Variants in ZDBF2 observed in about 807,000 individuals in gnomAD.
ZDBF2 encodes DBF4-type zinc finger-containing protein 2.
In ZDBF2, 6 loss-of-function variants were observed where a neutral mutation model predicts 9.4. The observed-to-expected ratio is 0.64, with a 90% CI of 0.35 to 1.27. ZDBF2 has a LOEUF of 1.27. Among genes scored for constraint, ZDBF2 ranks in the 50% most tolerant of loss-of-function variants. The pLI, the probability that ZDBF2 is intolerant of heterozygous loss-of-function variation, is 0.03. For missense variants in ZDBF2, 2,697 were observed against 2,766.8 expected (o/e 0.97, Z 0.57); for synonymous variants, 905 against 946.3 (o/e 0.96, Z 0.80).
Position 206,308,819 on chromosome 2 carries a change from G to C in ZDBF2, c.4291G>C (p.Glu1431Gln), listed in dbSNP as rs773857433. The change falls in exon 5 of 5, where the codon GAA becomes CAA. Residue 1431 changes from glutamate to glutamine, a missense_variant. Physicochemically the swap from Glu to Gln is conservative, Grantham distance 29. Transcript: ENST00000374423. ...TGATCAATCTTCTGTACCTGTCAAA[G>C]AAATAAACTTGCAAAAGAAGGATCA... is the stretch of plus-strand genomic sequence containing the variant. ...VTDQSSVPVK[E>Q]INLQKKDHND... 2 of 1,613,814 alleles carry C rather than the reference G, an allele frequency of 1.2e-6. No homozygotes were observed. Among genetic ancestry groups the C allele is most frequent in the Non-Finnish European group, 8.5e-7 (1 of 1,179,828 alleles).
At chr2:206,277,564 G>C (rs1413827487) in intron 1 of ZDBF2, among the ~76,000 whole-genome samples, 3 of 151,750 alleles carry the variant, frequency 2.0e-5, no homozygotes, top group Non-Finnish European at 2.9e-5. Flanking sequence ...TACTTAACTG[G>C]GTATGACATT....
In ZDBF2 at chr2:206,305,485, A is replaced by G. The variant is rs758879573; in HGVS notation, c.957A>G (p.Lys319=). ...NPNKTDMPSN[K]GIFEDTIAKN... ...ATAAAACTGACATGCCTTCTAATAA[A>G]GGAATCTTTGAAGATACTATTGCAA... The change falls in exon 5 of 5, where the codon AAA becomes AAG. Residue 319 remains lysine, a synonymous_variant. Coordinates refer to ENST00000374423, the MANE Select transcript of ZDBF2 (RefSeq NM_020923.3). 6.2e-7 allele frequency: 1 copy of G among 1,612,878 alleles called. No individual in the cohort carries two copies. The highest frequency in any genetic ancestry group is 1.1e-5 in the South Asian group (1 of 90,766).
rs765117268 is a variant in ZDBF2 at position 206,310,668 on chromosome 2, G to C, written c.6140G>C (p.Arg2047Pro). The C allele has an allele frequency of 1.2e-6, 2 of 1,611,208 alleles. No individual in the cohort carries two copies. Among genetic ancestry groups the C allele is most frequent in the Non-Finnish European group, 1.7e-6 (2 of 1,178,602 alleles). ...ATTCGGTTTATATGCAAATATAAAC[G>C]GAATATCTTTGATTATTATGAGCCC... The part of the protein sequence containing the change: ...NDIRFICKYK[R>P]NIFDYYEPLI... The change falls in exon 5 of 5, where the codon CGG (arginine) becomes CCG (proline). Residue 2047 changes from arginine (R) to proline (P), a missense_variant. Arg to Pro is a moderately radical substitution (Grantham distance 103). This residue lies in a region of ZDBF2 where 1,783 missense variants were observed against 1,776.5 expected (regional missense o/e 1.00). Coordinates refer to ENST00000374423, the MANE Select transcript of ZDBF2 (RefSeq NM_020923.3).
intron 3 of ZDBF2, 71 bp downstream of exon 3, chr2:206,281,980 A>G: frequency 1.5e-6 from 2 of 1,323,104 alleles, no homozygotes; most frequent in Non-Finnish European, 2.1e-6. Context: ...ATTTTATTAA[A>G]TTAATTTATT....
intron 2 of ZDBF2, among the ~76,000 whole-genome samples, 171 bp from the exon 3 acceptor site, chr2:206,281,630 A>G (rs1204341391): frequency 6.6e-6 from 1 of 152,220 alleles, no homozygotes; most frequent in Non-Finnish European, 1.5e-5. Context: ...CATAAGATAC[A>G]TAGTTCTTGT....
chr2:206,287,076 T>C (rs528870325), intron 3 of ZDBF2, among the ~76,000 whole-genome samples: 1 of 152,296 alleles, frequency 6.6e-6, no homozygotes, highest in South Asian at 2.1e-4. Flanking sequence ...TATGAACCTA[T>C]TGTTGCACCT....
At position 206,309,121 on chromosome 2, in the gene ZDBF2, G is replaced by A. The variant is rs1692994475; in HGVS notation, c.4593G>A (p.Val1531=). The A allele has an allele frequency of 6.2e-7, 1 of 1,613,768 alleles. No homozygotes were observed. Among genetic ancestry groups the A allele is most frequent in the Middle Eastern group, 1.6e-4 (1 of 6,062 alleles). Reference sequence around the variant, plus strand: ...CAAAGGTGGTACTTGTGGATCTGGTGCCCGGTGATAGTGATTATGAAGTAA... The same window carrying A: ...CAAAGGTGGTACTTGTGGATCTGGTACCCGGTGATAGTGATTATGAAGTAA... The part of the protein sequence containing the change: ...HLPKVVLVDL[V]PGDSDYEVIS... The change falls in exon 5 of 5, where the codon GTG becomes GTA. Residue 1531 remains valine, a synonymous_variant. Coordinates refer to ENST00000374423, the MANE Select transcript of ZDBF2 (RefSeq NM_020923.3).
Position 206,308,772 on chromosome 2 carries a change from A to T in ZDBF2, c.4244A>T (p.His1415Leu), listed in dbSNP as rs1270416185. ...GATTTTGATGTAAGTTATGCTTCTC[A>T]TATTCCTGTTCAGTTTGTGACTGAT... ...LGDFDVSYAS[H>L]IPVQFVTDQS... is the part of the protein sequence containing the mutation. The change falls in exon 5 of 5, where the codon CAT becomes CTT. Residue 1415 changes from histidine (H) to leucine (L), a missense_variant. Physicochemically the swap from His to Leu is moderately conservative, Grantham distance 99. Transcript: ENST00000374423. 1 of 1,613,806 alleles carries T rather than the reference A, an allele frequency of 6.2e-7. No homozygotes were observed. Among genetic ancestry groups the T allele is most frequent in the South Asian group, 1.1e-5 (1 of 91,048 alleles).
chr2:206,276,987 G>A (rs564383364), intron 1 of ZDBF2, among the ~76,000 whole-genome samples: 43 of 152,172 alleles, frequency 2.8e-4, no homozygotes, highest in African/African-American at 9.4e-4. Flanking sequence ...TTATGCATTC[G>A]GCCATTGTTT....
chr2:206,288,444 C>T (rs1214497878), intron 3 of ZDBF2, among the ~76,000 whole-genome samples: 4 of 152,170 alleles, frequency 2.6e-5, no homozygotes, highest in Non-Finnish European at 5.9e-5. Flanking sequence ...CTGGGATCCA[C>T]CTGTTCTTGT....
chr2:206,301,865 G>A (rs1056458481), intron 4 of ZDBF2, among the ~76,000 whole-genome samples: 2 of 151,004 alleles, frequency 1.3e-5, no homozygotes, highest in East Asian at 3.9e-4. Flanking sequence ...GTGCCCAGTT[G>A]TATTTATGAA....
chr2:206,282,421 C>G (rs1361178637), intron 3 of ZDBF2, among the ~76,000 whole-genome samples: 1 of 152,126 alleles, frequency 6.6e-6, no homozygotes, highest in African/African-American at 2.4e-5. Context: ...AGAATTCAGA[C>G]AAATCAATTC....
At position 206,306,996 on chromosome 2, in the gene ZDBF2, A is replaced by C. The variant is rs1692836537; in HGVS notation, c.2468A>C (p.Glu823Ala). Residue 823 changes from glutamate (E) to alanine (A), a missense_variant, in exon 5 of 5, where the codon GAA becomes GCA. Physicochemically the swap from Glu to Ala is moderately radical, Grantham distance 107 (BLOSUM62 -1). Transcript: ENST00000374423. Reference protein sequence around the residue: ...ETVDLESKSNESCVSEITFDS... With the variant: ...ETVDLESKSNASCVSEITFDS... ...GTTGATCTGGAAAGTAAAAGTAATG[A>C]ATCTTGTGTCTCTGAAATAACTTTT... 6.2e-7 allele frequency: 1 copy of C among 1,613,604 alleles called. No individual in the cohort carries two copies. The highest frequency in any genetic ancestry group is 1.3e-5 in the African/African-American group (1 of 74,926).
Position 206,306,315 on chromosome 2 carries a change from C to A in ZDBF2, c.1787C>A (p.Pro596His), listed in dbSNP as rs551850916. 1 of 1,613,650 alleles carries A rather than the reference C, an allele frequency of 6.2e-7. No individual in the cohort carries two copies. Among genetic ancestry groups the A allele is most frequent in the African/African-American group, 1.3e-5 (1 of 75,024 alleles). Reference protein sequence around the residue: ...DVSLESVVDHPQLTVKGRNLK... With the variant: ...DVSLESVVDHHQLTVKGRNLK... ...TCTCTTGAGTCAGTAGTTGATCATCCCCAACTGACTGTCAAAGGAAGAAAC... is the reference window on the plus strand; with the variant it reads ...TCTCTTGAGTCAGTAGTTGATCATCACCAACTGACTGTCAAAGGAAGAAAC... The change falls in exon 5 of 5, where the codon CCC becomes CAC. Residue 596 changes from proline (P) to histidine (H), a missense_variant. By Grantham distance (77) the Pro-to-His change is moderately conservative. Transcript: ENST00000374423.
At chr2:206,295,363 C>CTTTTTTTTTTTT (rs571707187) in intron 3 of ZDBF2, among the ~76,000 whole-genome samples, 1 of 110,982 alleles carries the variant, frequency 9.0e-6, no homozygotes, top group African/African-American at 3.4e-5. Flanking sequence ...CTTTTCTTTT[C>CTTTTTTTTTTTT]TTTTTTTTTT....
Position 206,311,019 on chromosome 2 carries a change from GA to G in ZDBF2, c.6494del (p.Asn2165IlefsTer17). On this transcript the variant is annotated frameshift_variant, in exon 5 of 5. Transcript: ENST00000374423. LOFTEE classifies it low-confidence loss of function (END_TRUNC). ...DVVKISPKSV[R>X]NKLLESQSKK... ...GTCAAAATCTCTCCAAAATCAGTTA[GA>G]AATAAGCTTTTGGAAAGTCAAAGTA... 1 of 1,610,882 alleles carries G rather than the reference GA, an allele frequency of 6.2e-7. No homozygotes were observed. The highest frequency in any genetic ancestry group is 8.5e-7 in the Non-Finnish European group (1 of 1,179,242).
chr2:206,292,051 G>A, intron 3 of ZDBF2: 2 of 398,354 alleles, frequency 5.0e-6, no homozygotes, highest in Non-Finnish European at 8.9e-6. Flanking sequence ...GAGTTCTTCA[G>A]GCAGAAGGAA....
intron 3 of ZDBF2, among the ~76,000 whole-genome samples, chr2:206,295,285 T>G (rs1289267651): frequency 6.6e-6 from 1 of 152,126 alleles, no homozygotes; most frequent in Non-Finnish European, 1.5e-5. Flanking sequence ...CAGAGTTAGA[T>G]TCAAATCCTG....
At position 206,310,522 on chromosome 2, in the gene ZDBF2, A is replaced by G; in HGVS notation, c.5994A>G (p.Lys1998=). Residue 1998 remains lysine, a synonymous_variant, in exon 5 of 5, where the codon AAA becomes AAG. Transcript: ENST00000374423. ...GTVEFPASCT[K]VLKPMQPKAL... ...TTGAATTTCCTGCATCATGTACTAA[A>G]GTTTTGAAGCCTATGCAACCCAAAG... 4 of 1,613,248 alleles carry G rather than the reference A, an allele frequency of 2.5e-6. No individual in the cohort carries two copies. Among genetic ancestry groups the G allele is most frequent in the Non-Finnish European group, 3.4e-6 (4 of 1,179,740 alleles).
Sources: allele counts gnomAD v4.1 joint callset (sites outside exome capture counted in the v4.1 genomes callset), GRCh38; gene constraint gnomAD v4.1.1; regional missense constraint gnomAD v4.1.1; transcripts MANE v1.5; gene names NCBI Gene and HGNC (gene_info 2026-07-23, HGNC 2026-07-21).